The following ENTREP2 variants were observed in gnomAD, a reference collection of about 807,000 sequenced individuals.
The protein encoded by ENTREP2 is protein ENTREP2.
At chr15:29,440,078 A>G in the ENTREP2 span, among the ~76,000 whole-genome samples, 2 of 152,352 alleles carry the variant, frequency 1.3e-5, no homozygotes. Flanking sequence ...TGTCAAGGTC[A>G]TGAAAAACAA....
chr15:29,422,511 G>T, the ENTREP2 span, among the ~76,000 whole-genome samples: 1 of 152,168 alleles, frequency 6.6e-6, no homozygotes, highest in African/African-American at 2.4e-5. Context: ...TTTGTAGGGG[G>T]AAAGTCAGCA....
the ENTREP2 span, among the ~76,000 whole-genome samples, chr15:29,391,805 G>GT: frequency 1.3e-5 from 2 of 152,206 alleles, no homozygotes; most frequent in South Asian, 2.1e-4. Context: ...CTTTGTAATA[G>GT]TTTTTTTGGT....
At chr15:29,333,431 C>T in the ENTREP2 span, among the ~76,000 whole-genome samples, 16 of 152,094 alleles carry the variant, frequency 1.1e-4, no homozygotes, top group Non-Finnish European at 1.2e-4. Flanking sequence ...ACCCCCCGCC[C>T]CACTTGACAC....
chr15:29,428,592 T>C, the ENTREP2 span, among the ~76,000 whole-genome samples: 3 of 152,080 alleles, frequency 2.0e-5, no homozygotes, highest in African/African-American at 7.2e-5. Flanking sequence ...AATTTCTGAA[T>C]TGTTTAAATA....
chr15:29,570,479 G>T, the ENTREP2 span: 1 of 1,222,784 alleles, frequency 8.2e-7, no homozygotes, highest in Non-Finnish European at 1.0e-6. Flanking sequence ...CCCGGAGCCC[G>T]TCCCCGCCTG....
chr15:29,313,483 T>C, the ENTREP2 span, among the ~76,000 whole-genome samples: 1 of 152,184 alleles, frequency 6.6e-6, no homozygotes, highest in Non-Finnish European at 1.5e-5. Context: ...CCTTAAGAAT[T>C]ATGCTAAATC....
the ENTREP2 span, among the ~76,000 whole-genome samples, chr15:29,397,559 G>A: frequency 6.6e-6 from 1 of 152,128 alleles, no homozygotes; most frequent in Non-Finnish European, 1.5e-5. Context: ...TAAGAGGTGC[G>A]ATGCTGTCAA....
chr15:29,485,346 C>G, the ENTREP2 span, among the ~76,000 whole-genome samples: 1 of 152,148 alleles, frequency 6.6e-6, no homozygotes, highest in East Asian at 1.9e-4. Context: ...AGTGCAGGAC[C>G]TGGCCCCTGG....
the ENTREP2 span, among the ~76,000 whole-genome samples, chr15:29,162,709 C>T: frequency 6.6e-3 from 1,002 of 151,618 alleles, 7 homozygotes; most frequent in African/African-American, 9.6e-3. Context: ...CCCACCTGAT[C>T]GTCCTTCCCT....
At chr15:29,649,742 A>AAAG in the ENTREP2 span, among the ~76,000 whole-genome samples, 7 of 151,002 alleles carry the variant, frequency 4.6e-5, no homozygotes, top group African/African-American at 1.7e-4. Context: ...AAAAAAAAAA[A>AAAG]AAAGAAAGAA....
chr15:29,535,582 C>T, the ENTREP2 span, among the ~76,000 whole-genome samples: 4 of 152,060 alleles, frequency 2.6e-5, no homozygotes, highest in African/African-American at 7.2e-5. Flanking sequence ...CCCAGCTAGT[C>T]GGGAAGCTGA....
At chr15:29,433,659 C>A in the ENTREP2 span, among the ~76,000 whole-genome samples, 116 of 152,202 alleles carry the variant, frequency 7.6e-4, no homozygotes, top group African/African-American at 2.7e-3. Context: ...GCCCCACAGC[C>A]CCCACTGGCA....
the ENTREP2 span, among the ~76,000 whole-genome samples, chr15:29,628,417 TTTG>T: frequency 6.6e-6 from 1 of 152,212 alleles, no homozygotes; most frequent in Non-Finnish European, 1.5e-5. Context: ...TTTGTGAAGG[TTTG>T]TTTTTTATGA....
chr15:29,277,790 C>T, the ENTREP2 span, among the ~76,000 whole-genome samples: 43 of 152,256 alleles, frequency 2.8e-4, 1 homozygote, highest in Middle Eastern at 6.8e-3. Flanking sequence ...TGCTATACCA[C>T]GCAAGATGAC....
the ENTREP2 span, among the ~76,000 whole-genome samples, chr15:29,380,589 A>G: frequency 6.6e-6 from 1 of 152,084 alleles, no homozygotes; most frequent in African/African-American, 2.4e-5. Flanking sequence ...AATAGACACA[A>G]ATCTGCTCAG....
At chr15:29,233,908 C>T in the ENTREP2 span, 1 of 1,574,472 alleles carries the variant, frequency 6.4e-7, no homozygotes, top group South Asian at 1.1e-5. Flanking sequence ...ATGTAGATGG[C>T]TGAAGAAACT....
chr15:29,141,868 C>G, the ENTREP2 span, among the ~76,000 whole-genome samples: 2 of 152,224 alleles, frequency 1.3e-5, no homozygotes, highest in Non-Finnish European at 2.9e-5. Context: ...GCCCCCTGGT[C>G]CTGCCGCCAC....
At chr15:29,422,529 G>A in the ENTREP2 span, among the ~76,000 whole-genome samples, 4 of 152,172 alleles carry the variant, frequency 2.6e-5, no homozygotes, top group African/African-American at 7.2e-5. Context: ...GCAAGTTTGC[G>A]TGTTAAATAA....
At chr15:29,400,740 T>A in the ENTREP2 span, among the ~76,000 whole-genome samples, 7 of 152,380 alleles carry the variant, frequency 4.6e-5, no homozygotes, top group Admixed American at 3.9e-4. Context: ...TGTATACGTT[T>A]ATGGCTAAAA....
Sources: gnomAD v4.1 joint callset for allele counts (sites outside exome capture counted in the v4.1 genomes callset) on GRCh38, gnomAD v4.1.1 for gene constraint, MANE v1.5 for transcripts, NCBI Gene and HGNC (gene_info 2026-07-23, HGNC 2026-07-21) for gene names.